Variants in MTMR8 observed in about 807,000 individuals in gnomAD.
MTMR8 encodes myotubularin related protein 8.
Under a neutral mutation model 39.3 loss-of-function variants are expected in MTMR8, and 65 were observed. The ratio of observed to expected loss-of-function variants is 1.65; its 90% CI spans 1.35 to 2.03. The LOEUF (loss-of-function observed/expected upper bound fraction) is 2.03. Among genes scored for constraint, MTMR8 ranks in the 30% most tolerant of loss-of-function variants. The pLI is 0.00. For missense variants in MTMR8, 777 were observed against 538.9 expected (o/e 1.44, Z -4.37); for synonymous variants, 245 against 185.2 (o/e 1.32, Z -2.62).
At chrX:64,375,438 T>G (rs768671504) in intron 1 of MTMR8, among the ~76,000 whole-genome samples, 1 of 111,574 alleles carries the variant, frequency 9.0e-6, no homozygotes, top group Non-Finnish European at 1.9e-5. Context: ...TATATTAATA[T>G]AAGACATAAA....
chrX:64,349,803 A>G, intron 5 of MTMR8, 139 bp downstream of exon 5: 2 of 409,316 alleles, frequency 4.9e-6, no homozygotes, highest in Non-Finnish European at 7.6e-6. Context: ...ATCCTCTCAA[A>G]AACCTTCAGA....
At chrX:64,351,701 CA>C (rs1385055311) in intron 4 of MTMR8, among the ~76,000 whole-genome samples, 1 of 111,519 alleles carries the variant, frequency 9.0e-6, no homozygotes, top group Non-Finnish European at 1.9e-5. Context: ...GAGCCCCTGG[CA>C]AACCACTAGT....
chrX:64,293,433 G>A (rs1195221270), intron 12 of MTMR8, among the ~76,000 whole-genome samples: 1 of 111,348 alleles, frequency 9.0e-6, no homozygotes, highest in Non-Finnish European at 1.9e-5. Context: ...GGTTACATTG[G>A]ACCCTAAGGG....
chrX:64,354,709 T>A (rs1460970173), intron 4 of MTMR8, 68 bp downstream of exon 4: 1 of 1,028,119 alleles, frequency 9.7e-7, no homozygotes, highest in Non-Finnish European at 1.3e-6. Flanking sequence ...TTTTTCAAAA[T>A]CTTGTTTCCT....
intron 12 of MTMR8, among the ~76,000 whole-genome samples, chrX:64,290,979 A>T (rs1921374254): frequency 8.9e-6 from 1 of 112,017 alleles, no homozygotes; most frequent in Non-Finnish European, 1.9e-5. Context: ...TATGGCCAAG[A>T]GTACAATTTG....
intron 1 of MTMR8, among the ~76,000 whole-genome samples, chrX:64,375,835 C>G (rs904663400): frequency 1.8e-5 from 2 of 111,725 alleles, no homozygotes; most frequent in African/African-American, 6.5e-5. Context: ...GTGTCCCCAC[C>G]CAAATCTCAT....
At chrX:64,362,524 A>AAGGACC (rs1923820761) in intron 1 of MTMR8, among the ~76,000 whole-genome samples, 1 of 105,642 alleles carries the variant, frequency 9.5e-6, no homozygotes, top group African/African-American at 3.5e-5. Context: ...ACCAATGGAA[A>AAGGACC]AGGACCAGAG....
At chrX:64,353,011 T>C (rs1923524953) in intron 4 of MTMR8, among the ~76,000 whole-genome samples, 1 of 111,882 alleles carries the variant, frequency 8.9e-6, no homozygotes. Flanking sequence ...CCTGACCTCC[T>C]TCCTTCTCCC....
At chrX:64,301,553 A>C (rs377664590) in intron 12 of MTMR8, among the ~76,000 whole-genome samples, 1 of 111,352 alleles carries the variant, frequency 9.0e-6, no homozygotes, top group East Asian at 2.8e-4. Context: ...TAATTTGATC[A>C]TCTGAAGCCT....
intron 4 of MTMR8, among the ~76,000 whole-genome samples, chrX:64,353,273 T>C (rs1923533363): frequency 9.0e-6 from 1 of 111,308 alleles, no homozygotes. Context: ...AAAATCTCCA[T>C]GGCAAAGGAA....
intron 1 of MTMR8, among the ~76,000 whole-genome samples, chrX:64,365,138 T>A (rs1333909110): frequency 1.8e-5 from 2 of 111,326 alleles, no homozygotes; most frequent in Non-Finnish European, 3.8e-5. Context: ...ATTTGATTGG[T>A]GTGCCTGAAA....
intron 12 of MTMR8, among the ~76,000 whole-genome samples, chrX:64,276,211 T>A (rs1931868916): frequency 9.0e-6 from 1 of 111,066 alleles, no homozygotes. Flanking sequence ...TCTTAGTCAC[T>A]TCTGGTCTTC....
chrX:64,383,358 A>G (rs1170060114), intron 1 of MTMR8, among the ~76,000 whole-genome samples: 3 of 109,820 alleles, frequency 2.7e-5, no homozygotes, highest in East Asian at 5.6e-4. Flanking sequence ...TGGAGACAGT[A>G]TTATATATAT....
intron 1 of MTMR8, among the ~76,000 whole-genome samples, chrX:64,388,431 G>A (rs1313396597): frequency 8.9e-6 from 1 of 111,961 alleles, no homozygotes; most frequent in Non-Finnish European, 1.9e-5. Context: ...GAAGGAAGGG[G>A]AATGGTGGAA....
At chrX:64,323,657 A>G (rs927710233) in intron 12 of MTMR8, among the ~76,000 whole-genome samples, 2 of 112,655 alleles carry the variant, frequency 1.8e-5, no homozygotes, top group Admixed American at 1.9e-4. Flanking sequence ...ATCATATGGT[A>G]GCCTGTAGAA....
chrX:64,380,722 C>A (rs747807639), intron 1 of MTMR8, among the ~76,000 whole-genome samples: 1 of 111,609 alleles, frequency 9.0e-6, no homozygotes, highest in East Asian at 2.8e-4. Flanking sequence ...TTAGGTATAT[C>A]TCCTAATGCT....
chrX:64,316,472 C>A (rs1164102143), intron 12 of MTMR8, among the ~76,000 whole-genome samples: 1 of 110,742 alleles, frequency 9.0e-6, no homozygotes, highest in African/African-American at 3.3e-5. Context: ...TGTGGCAAAA[C>A]CCCAACTCTG....
intron 2 of MTMR8, among the ~76,000 whole-genome samples, chrX:64,356,816 T>G (rs761428509): frequency 3.6e-5 from 4 of 109,893 alleles, no homozygotes; most frequent in African/African-American, 9.8e-5. Context: ...GTAATCATCC[T>G]ATTTCAGGAA....
At chrX:64,312,245 A>G (rs1278542742) in intron 12 of MTMR8, among the ~76,000 whole-genome samples, 1 of 111,336 alleles carries the variant, frequency 9.0e-6, no homozygotes, top group Non-Finnish European at 1.9e-5. Context: ...ATTCCTAGGT[A>G]TTTTATTCTC....
Sources: gnomAD v4.1 joint callset for allele counts (sites outside exome capture counted in the v4.1 genomes callset) on GRCh38, gnomAD v4.1.1 for gene constraint, MANE v1.5 for transcripts, NCBI Gene and HGNC (gene_info 2026-07-23, HGNC 2026-07-21) for gene names.